The following PYGL variants were observed in gnomAD, a reference collection of about 807,000 sequenced individuals.
The protein encoded by PYGL is glycogen phosphorylase, liver form.
A neutral mutation model predicts 100.1 loss-of-function variants in PYGL; 90 were observed. The observed-to-expected ratio is 0.90, with a 90% CI of 0.76 to 1.07. PYGL has a LOEUF of 1.07. Among genes scored for constraint, PYGL ranks in the 50% least tolerant of loss-of-function variants. PYGL has a pLI of 0.00. For synonymous variants in PYGL, 373 were observed against 393.0 expected (o/e 0.95, Z 0.60); for missense variants, 1,016 against 1,057.6 (o/e 0.96, Z 0.55).
Position 50,931,818 on chromosome 14 carries a change from C to A in PYGL, c.425-42G>T, listed in dbSNP as rs1223136937. 1.9e-6 allele frequency: 3 copies of A among 1,559,800 alleles called. No homozygotes were observed. In the South Asian group the frequency reaches 3.3e-5, roughly 17 times the overall value. On this transcript the variant is annotated intron_variant, in intron 3 of 19. Transcript: ENST00000216392. Reference sequence around the variant, plus strand: ...ACAGGCAAAAGATAGAGTCATTAAGCTGAGCCAAAATTTCCAGTCTTTCCC... The same window carrying A: ...ACAGGCAAAAGATAGAGTCATTAAGATGAGCCAAAATTTCCAGTCTTTCCC...
intron 2 of PYGL, among the ~76,000 whole-genome samples, chr14:50,937,523 G>A (rs1047943790): frequency 2.6e-5 from 4 of 152,334 alleles, no homozygotes; most frequent in African/African-American, 9.6e-5. Context: ...AAATTCTCAT[G>A]AGTCATAACG....
intron 12 of PYGL, among the ~76,000 whole-genome samples, chr14:50,914,121 C>T (rs1278791418): frequency 2.6e-5 from 4 of 152,176 alleles, no homozygotes; most frequent in African/African-American, 9.7e-5. Flanking sequence ...AGAAAACCAT[C>T]TTCTATGTGA....
chr14:50,908,981 TA>T (rs11414268), intron 17 of PYGL, 26 bp from the exon 18 acceptor site: 12 of 1,534,996 alleles, frequency 7.8e-6, no homozygotes, highest in South Asian at 1.1e-5. Flanking sequence ...GGGTGGGTGA[TA>T]AAAAAAGGCT....
At chr14:50,920,739 T>C in intron 6 of PYGL, 116 bp from the exon 7 acceptor site, 1 of 1,210,388 alleles carries the variant, frequency 8.3e-7, no homozygotes, top group South Asian at 1.3e-5. Context: ...TTCCTAAAAA[T>C]CCCAAAGGAT....
rs910507230 is a variant in PYGL at position 50,920,561 on chromosome 14, C to G, written c.835G>C (p.Val279Leu). The G allele has an allele frequency of 2.3e-5, 37 of 1,612,806 alleles. No homozygotes were observed. The Admixed American group carries it at 6.0e-4, about 26-fold the overall frequency. Residue 279 changes from valine to leucine, a missense_variant, in exon 7 of 20, where the codon GTC becomes CTC. Val to Leu is a conservative substitution (Grantham distance 32). Coordinates refer to ENST00000216392, the MANE Select transcript of PYGL (RefSeq NM_002863.5). ...DRNLAENISR[V>L]LYPNDNFFEG... The stretch of plus-strand genomic sequence containing the variant: ...CTCACATTGTCATTGGGATAGAGGA[C>G]CCGGGAGATGTTCTCGGCCAGGTTT...
chr14:50,925,067 A>T (rs1249116303), intron 4 of PYGL, among the ~76,000 whole-genome samples: 1 of 152,260 alleles, frequency 6.6e-6, no homozygotes, highest in Admixed American at 6.5e-5. Flanking sequence ...AACATCACAG[A>T]GTGCACTTAC....
At chr14:50,937,610 G>C (rs1405724819) in intron 2 of PYGL, 126 bp downstream of exon 2, 2 of 875,264 alleles carry the variant, frequency 2.3e-6, no homozygotes, top group African/African-American at 3.3e-5. Flanking sequence ...GTTTGTAATA[G>C]CCACATCTAT....
intron 9 of PYGL, 43 bp from the exon 10 acceptor site, chr14:50,916,014 C>T (rs539834051): frequency 1.2e-6 from 2 of 1,612,078 alleles, no homozygotes; most frequent in East Asian, 4.5e-5. Context: ...TGAAGGTGGG[C>T]ACCCCACTGC....
intron 1 of PYGL, among the ~76,000 whole-genome samples, chr14:50,940,744 G>C (rs2050695599): frequency 6.6e-6 from 1 of 152,154 alleles, no homozygotes; most frequent in Non-Finnish European, 1.5e-5. Flanking sequence ...AGTATTTTAT[G>C]TAAAAAGTGG....
At position 50,921,032 on chromosome 14, in the gene PYGL, G is replaced by A. The variant is rs141485241; in HGVS notation, c.696C>T (p.Pro232=). 343 of 1,614,190 alleles carry A rather than the reference G, an allele frequency of 2.1e-4. 1 individual carries two copies. Among genetic ancestry groups the A allele is most frequent in the Non-Finnish European group, 2.7e-4 (324 of 1,180,026 alleles). The change falls in exon 6 of 20, where the codon CCC becomes CCT. Residue 232 remains proline, a synonymous_variant. Transcript: ENST00000216392. ...TGTTGACAGTGTTATTCATGTAGCC[G>A]GGCACGGGGGTGTCATATGGCAGAG... ...VLALPYDTPV[P]GYMNNTVNTM...
intron 3 of PYGL, among the ~76,000 whole-genome samples, chr14:50,932,353 G>C (rs2050609327): frequency 6.6e-6 from 1 of 152,168 alleles, no homozygotes; most frequent in Non-Finnish European, 1.5e-5. Flanking sequence ...TTGCTGGATT[G>C]GTCTAATCTG....
chr14:50,914,940 A>T, intron 11 of PYGL, 125 bp from the exon 12 acceptor site: 1 of 756,862 alleles, frequency 1.3e-6, no homozygotes, highest in Middle Eastern at 3.4e-4. Flanking sequence ...ATAAAGGTGG[A>T]GGGACAGGCT....
intron 3 of PYGL, among the ~76,000 whole-genome samples, chr14:50,934,256 TG>T (rs1234481650): frequency 6.6e-6 from 1 of 152,212 alleles, no homozygotes; most frequent in African/African-American, 2.4e-5. Flanking sequence ...AGTGTATCAT[TG>T]CCCACTAGTC....
chr14:50,907,584 A>G (rs552002235), intron 19 of PYGL, among the ~76,000 whole-genome samples: 3 of 152,276 alleles, frequency 2.0e-5, no homozygotes, highest in South Asian at 4.1e-4. Context: ...AGAGACCTCA[A>G]CTTTGCTCAT....
chr14:50,944,112 G>A (rs759941631), intron 1 of PYGL, 49 bp downstream of exon 1: 2 of 1,560,362 alleles, frequency 1.3e-6, no homozygotes, highest in East Asian at 4.7e-5. Context: ...CGCGGCCGGA[G>A]ACTCCGACTC....
intron 4 of PYGL, among the ~76,000 whole-genome samples, chr14:50,927,190 TGTGGAA>T (rs970227940): frequency 6.6e-6 from 1 of 152,174 alleles, no homozygotes; most frequent in Non-Finnish European, 1.5e-5. Flanking sequence ...CCCTGACTCC[TGTGGAA>T]GTCAGAGGTT....
intron 9 of PYGL, among the ~76,000 whole-genome samples, 155 bp from the exon 10 acceptor site, chr14:50,916,126 A>G (rs2050446908): frequency 6.6e-6 from 1 of 152,262 alleles, no homozygotes; most frequent in Non-Finnish European, 1.5e-5. Context: ...AATAGTCCAG[A>G]TAATAGAAAC....
intron 12 of PYGL, among the ~76,000 whole-genome samples, chr14:50,913,889 T>C (rs774590114): frequency 6.6e-6 from 1 of 151,770 alleles, no homozygotes; most frequent in African/African-American, 2.4e-5. Context: ...GTGGTGGTGG[T>C]GGGGGTGGGT....
chr14:50,913,652 G>T (rs1455676953), intron 12 of PYGL, among the ~76,000 whole-genome samples: 1 of 152,006 alleles, frequency 6.6e-6, no homozygotes, highest in Admixed American at 6.6e-5. Context: ...GGGATTACAC[G>T]TGTGAGCCAC....
Sources: gnomAD v4.1 joint callset for allele counts (sites outside exome capture counted in the v4.1 genomes callset) on GRCh38, gnomAD v4.1.1 for gene constraint, MANE v1.5 for transcripts, NCBI Gene and HGNC (gene_info 2026-07-23, HGNC 2026-07-21) for gene names.